The following PCDH15 variants were observed in gnomAD, a reference collection of about 807,000 sequenced individuals.
PCDH15 encodes the protein protocadherin related 15, also known as protocadherin-15.
PCDH15 carries 129 observed loss-of-function variants against 178.5 expected under a neutral mutation model. That is an observed-to-expected ratio of 0.72 (90% CI 0.63 to 0.84). The LOEUF (loss-of-function observed/expected upper bound fraction) is 0.84, where lower values mean the gene tolerates loss of function less well. Ranked by LOEUF, PCDH15 falls within the 40% of genes least tolerant of loss-of-function variation. The pLI, the probability that PCDH15 is intolerant of heterozygous loss-of-function variation, is 0.00. For missense variants in PCDH15, 2,230 were observed against 2,099.9 expected (o/e 1.06, Z -1.21); for synonymous variants, 800 against 732.0 (o/e 1.09, Z -1.50).
intron 2 of PCDH15, among the ~76,000 whole-genome samples, chr10:55,418,975 C>A (rs750030933): frequency 3.3e-5 from 5 of 151,518 alleles, no homozygotes; most frequent in Non-Finnish European, 5.9e-5. Context: ...ATAATATCTA[C>A]GTATTATATT....
chr10:55,388,774 A>G (rs1837724406), intron 2 of PCDH15, among the ~76,000 whole-genome samples: 1 of 152,134 alleles, frequency 6.6e-6, no homozygotes, highest in Admixed American at 6.6e-5. Context: ...ATGGAATATC[A>G]ACCAGTTCCT....
intron 25 of PCDH15, among the ~76,000 whole-genome samples, chr10:53,918,123 T>G (rs1157991895): frequency 6.6e-6 from 1 of 152,298 alleles, no homozygotes; most frequent in South Asian, 2.1e-4. Flanking sequence ...AAGAATGGCC[T>G]AATACACAAA....
At chr10:55,364,845 C>A (rs116672654) in intron 2 of PCDH15, among the ~76,000 whole-genome samples, 1 of 151,986 alleles carries the variant, frequency 6.6e-6, no homozygotes, top group Non-Finnish European at 1.5e-5. Flanking sequence ...TCTTTTGTCT[C>A]CCTTCTGCTA....
At chr10:54,833,990 G>T (rs1356425764) in intron 3 of PCDH15, among the ~76,000 whole-genome samples, 1 of 151,908 alleles carries the variant, frequency 6.6e-6, no homozygotes, top group East Asian at 1.9e-4. Flanking sequence ...AGGCTCCTGG[G>T]CTATAGAATG....
At chr10:55,080,069 G>C (rs1414573126) in intron 2 of PCDH15, among the ~76,000 whole-genome samples, 1 of 152,114 alleles carries the variant, frequency 6.6e-6, no homozygotes, top group African/African-American at 2.4e-5. Context: ...GTCTTCAGCA[G>C]TCCCATGCAG....
rs763466262 is a variant in PCDH15, at chr10:54,108,419, C to T, written c.1918-18356G>A. 4.8e-4 allele frequency among the ~76,000 whole-genome samples: 73 copies of T among 152,172 alleles called. 2 individuals carry two copies. The Middle Eastern group carries it at 0.02, about 43-fold the overall frequency. On this transcript the variant is annotated intron_variant, in intron 15 of 37. Transcript: ENST00000644397. ...AAACCAGAATGAATTCAGCTGATGC[C>T]GGCTCACAGAAGGAGTATATAAACC...
chr10:54,040,952 C>G (rs575597446), intron 18 of PCDH15, among the ~76,000 whole-genome samples: 25 of 152,072 alleles, frequency 1.6e-4, no homozygotes, highest in African/African-American at 6.0e-4. Context: ...TTTAAATAGG[C>G]CCTTTTGGAT....
At chr10:55,334,242 A>ATGTGTGTGTGTGTGTG (rs1208145029) in intron 2 of PCDH15, among the ~76,000 whole-genome samples, 2 of 72,158 alleles carry the variant, frequency 2.8e-5, no homozygotes, top group South Asian at 5.5e-4. Context: ...ATATATATAT[A>ATGTGTGTGTGTGTGTG]TGTGTGTGTG....
At chr10:53,895,461 A>C (rs1383796002) in intron 26 of PCDH15, among the ~76,000 whole-genome samples, 1 of 152,238 alleles carries the variant, frequency 6.6e-6, no homozygotes, top group Non-Finnish European at 1.5e-5. Flanking sequence ...AAAATAGAAT[A>C]TTCAAAATCT....
chr10:54,723,591 T>G (rs1039939538), intron 1 of PCDH15, among the ~76,000 whole-genome samples: 2 of 151,582 alleles, frequency 1.3e-5, no homozygotes, highest in Non-Finnish European at 3.0e-5. Flanking sequence ...AAATAAATAA[T>G]TAACAGATTA....
chr10:55,563,958 T>G (rs1378256134), intron 2 of PCDH15, among the ~76,000 whole-genome samples: 1 of 151,892 alleles, frequency 6.6e-6, no homozygotes, highest in African/African-American at 2.4e-5. Flanking sequence ...CATTAGATAG[T>G]AACTCAAAGC....
At chr10:53,973,250 T>C (rs2089903087) in intron 21 of PCDH15, among the ~76,000 whole-genome samples, 1 of 138,310 alleles carries the variant, frequency 7.2e-6, no homozygotes, top group African/African-American at 2.8e-5. Context: ...ATGAGAACAC[T>C]TGGACACAGG....
chr10:54,268,722 G>C (rs2057857369), intron 8 of PCDH15, among the ~76,000 whole-genome samples: 1 of 151,756 alleles, frequency 6.6e-6, no homozygotes, highest in Non-Finnish European at 1.5e-5. Context: ...TGAGTAACAA[G>C]AGTTAAGAAC....
rs769983940 is a variant in PCDH15, at chr10:53,959,785, C to G, written c.3069G>C (p.Lys1023Asn). The part of the protein sequence containing the change: ...EPVMSSSATV[K>N]ILVLHPGEIP... ...TCTCACCAGGATGTAAGACAAGAAT[C>G]TTCACTGTGGCACTGCTGGACATCA... is the stretch of plus-strand genomic sequence containing the variant. The change falls in exon 23 of 38, where the codon AAG becomes AAC. Residue 1023 changes from lysine to asparagine, a missense_variant. By Grantham distance (94) the Lys-to-Asn change is moderately conservative. Coordinates refer to ENST00000644397, the MANE Select transcript of PCDH15 (RefSeq NM_001384140.1). 6.2e-7 allele frequency: 1 copy of G among 1,614,072 alleles called. No homozygotes were observed. The highest frequency in any genetic ancestry group is 8.5e-7 in the Non-Finnish European group (1 of 1,179,974).
chr10:55,558,610 C>T (rs1326857597), intron 2 of PCDH15, among the ~76,000 whole-genome samples: 1 of 152,080 alleles, frequency 6.6e-6, no homozygotes, highest in Non-Finnish European at 1.5e-5. Flanking sequence ...GTGTGCATTA[C>T]AAAAGTACTT....
intron 2 of PCDH15, among the ~76,000 whole-genome samples, chr10:55,455,584 C>T (rs781756977): frequency 1.0e-4 from 15 of 143,862 alleles, no homozygotes; most frequent in Admixed American, 1.4e-4. Context: ...ACTGTTTCTT[C>T]GTTGCTGTGA....
chr10:54,357,109 G>C (rs1226931825), intron 5 of PCDH15, among the ~76,000 whole-genome samples: 6 of 152,112 alleles, frequency 3.9e-5, no homozygotes, highest in Non-Finnish European at 8.8e-5. Context: ...ACAAGACAGG[G>C]ATGCCCTCTC....
rs150600421 is a variant in PCDH15 at position 54,306,306 on chromosome 10, A to C, written c.876+10965T>G. 4.8e-3 allele frequency among the ~76,000 whole-genome samples: 725 copies of C among 152,192 alleles called. 2 individuals are homozygous for C. The highest frequency in any genetic ancestry group is 8.3e-3 in the Non-Finnish European group (565 of 67,960). On this transcript the variant is annotated intron_variant, in intron 8 of 37. Transcript: ENST00000644397. ...TGATTGGTATCTTCCAGAGAAACAG[A>C]ACCAATAAAATGTGTGCGTATGTAT...
At chr10:54,082,194 G>A (rs922491572) in intron 16 of PCDH15, among the ~76,000 whole-genome samples, 1 of 152,140 alleles carries the variant, frequency 6.6e-6, no homozygotes, top group African/African-American at 2.4e-5. Context: ...GCCTGAAGGA[G>A]TGATTCATGG....
Sources: allele counts gnomAD v4.1 joint callset (sites outside exome capture counted in the v4.1 genomes callset), GRCh38; gene constraint gnomAD v4.1.1; transcripts MANE v1.5; gene names NCBI Gene and HGNC (gene_info 2026-07-23, HGNC 2026-07-21).